CNTN3: variants seen among roughly 807,000 people sequenced by gnomAD.
The protein encoded by CNTN3 is contactin-3.
Under a neutral mutation model 119.1 loss-of-function variants are expected in CNTN3, and 60 were observed. The observed-to-expected ratio is 0.50, with a 90% CI of 0.41 to 0.62. CNTN3 has a LOEUF of 0.62. CNTN3 is among the 20% of genes least tolerant of loss of function. CNTN3 has a pLI of 0.00. For missense variants in CNTN3, 1,101 were observed against 1,242.4 expected (o/e 0.89, Z 1.71); for synonymous variants, 450 against 438.7 (o/e 1.03, Z -0.32).
intron 1 of CNTN3, among the ~76,000 whole-genome samples, chr3:74,595,927 A>T (rs1575856134): frequency 1.3e-5 from 2 of 152,196 alleles, no homozygotes; most frequent in East Asian, 3.9e-4. Flanking sequence ...ACATGATAGT[A>T]TATCTAGAAA....
intron 4 of CNTN3, among the ~76,000 whole-genome samples, chr3:74,468,989 C>T (rs1702513011): frequency 6.6e-6 from 1 of 152,052 alleles, no homozygotes; most frequent in Admixed American, 6.6e-5. Flanking sequence ...TACTGTGATA[C>T]TTGGGAAAAT....
chr3:74,542,642 T>C (rs1703857957), intron 1 of CNTN3, among the ~76,000 whole-genome samples: 1 of 152,182 alleles, frequency 6.6e-6, no homozygotes. Context: ...ACAATTAACT[T>C]TTCAGTTTGA....
intron 1 of CNTN3, among the ~76,000 whole-genome samples, chr3:74,531,597 C>T (rs1010283394): frequency 6.6e-6 from 1 of 151,792 alleles, no homozygotes; most frequent in Non-Finnish European, 1.5e-5. Context: ...AGAAATGACT[C>T]GGGGAAAGCC....
chr3:74,523,721 A>T (rs1441579214), intron 1 of CNTN3, among the ~76,000 whole-genome samples: 1 of 151,914 alleles, frequency 6.6e-6, no homozygotes, highest in Non-Finnish European at 1.5e-5. Context: ...AATATCAAAA[A>T]CTATTCAAAT....
chr3:74,520,210 T>C (rs1218632150), intron 2 of CNTN3, among the ~76,000 whole-genome samples: 1 of 150,992 alleles, frequency 6.6e-6, no homozygotes, highest in Non-Finnish European at 1.5e-5. Context: ...TACTTTCAAA[T>C]GGGTTAGCCA....
At chr3:74,572,370 A>G (rs1269675755) in intron 1 of CNTN3, among the ~76,000 whole-genome samples, 1 of 152,218 alleles carries the variant, frequency 6.6e-6, no homozygotes, top group Non-Finnish European at 1.5e-5. Flanking sequence ...CCTGCCTGTA[A>G]TATCAAAACT....
chr3:74,512,918 T>C (rs899882368), intron 2 of CNTN3, among the ~76,000 whole-genome samples: 1 of 149,210 alleles, frequency 6.7e-6, no homozygotes, highest in African/African-American at 2.5e-5. Context: ...CGCTTGCAAG[T>C]GTGCAGACAT....
intron 1 of CNTN3, among the ~76,000 whole-genome samples, chr3:74,529,394 G>A (rs1437843674): frequency 6.6e-6 from 1 of 151,860 alleles, no homozygotes; most frequent in Non-Finnish European, 1.5e-5. Context: ...TTTACCAACT[G>A]GAAAATGTAG....
chr3:74,549,420 A>G (rs1487129336), intron 1 of CNTN3, among the ~76,000 whole-genome samples: 1 of 152,172 alleles, frequency 6.6e-6, no homozygotes, highest in Non-Finnish European at 1.5e-5. Context: ...GTGTCTTTAT[A>G]GCAGTGGGAG....
chr3:74,526,256 G>C (rs1379999542), intron 1 of CNTN3, among the ~76,000 whole-genome samples: 1 of 151,402 alleles, frequency 6.6e-6, no homozygotes, highest in Non-Finnish European at 1.5e-5. Context: ...ATTTATTATA[G>C]TAAAATATTC....
At chr3:74,267,937 T>C (rs1032345910) in intron 20 of CNTN3, among the ~76,000 whole-genome samples, 1 of 152,132 alleles carries the variant, frequency 6.6e-6, no homozygotes, top group Non-Finnish European at 1.5e-5. Flanking sequence ...TATGATAAGA[T>C]GGGCAAAATG....
chr3:74,286,380 A>G (rs1484616569), intron 19 of CNTN3, among the ~76,000 whole-genome samples: 1 of 152,198 alleles, frequency 6.6e-6, no homozygotes, highest in African/African-American at 2.4e-5. Context: ...TGAATCTACT[A>G]TGCAATGACA....
At chr3:74,282,595 C>A (rs1702034951) in intron 20 of CNTN3, among the ~76,000 whole-genome samples, 1 of 152,110 alleles carries the variant, frequency 6.6e-6, no homozygotes, top group Non-Finnish European at 1.5e-5. Context: ...AGAGCGATAG[C>A]AAGCAGGTAA....
Position 74,301,389 on chromosome 3 carries a change from A to T in CNTN3, c.2095+9T>A, listed in dbSNP as rs1479940680. 1.2e-5 allele frequency: 19 copies of T among 1,610,870 alleles called. No individual in the cohort carries two copies. The highest frequency in any genetic ancestry group is 1.4e-5 in the Non-Finnish European group (17 of 1,178,988). On this transcript the variant is annotated intron_variant, in intron 16 of 22. Transcript: ENST00000263665. ...TATTAATCCATTACTCAGAAAAAAAAACACTAACCTGCCTCTTCAGTTCTT... is the reference window on the plus strand; with the variant it reads ...TATTAATCCATTACTCAGAAAAAAATACACTAACCTGCCTCTTCAGTTCTT...
intron 1 of CNTN3, among the ~76,000 whole-genome samples, chr3:74,602,797 G>A (rs373458918): frequency 2.0e-5 from 3 of 152,096 alleles, no homozygotes; most frequent in Non-Finnish European, 4.4e-5. Flanking sequence ...AATAAAATGT[G>A]AGAAAACTTG....
chr3:74,477,175 C>G (rs866951880), intron 4 of CNTN3, among the ~76,000 whole-genome samples: 1 of 152,084 alleles, frequency 6.6e-6, no homozygotes, highest in Non-Finnish European at 1.5e-5. Context: ...ATCCACACAC[C>G]TACTGAGATA....
chr3:74,299,819 C>A, intron 17 of CNTN3, 49 bp downstream of exon 17: 1 of 1,491,744 alleles, frequency 6.7e-7, no homozygotes, highest in South Asian at 1.2e-5. Context: ...CCATAATGAT[C>A]ATGGGAACAG....
At chr3:74,525,183 C>G (rs564973271) in intron 1 of CNTN3, among the ~76,000 whole-genome samples, 19 of 151,742 alleles carry the variant, frequency 1.3e-4, no homozygotes, top group African/African-American at 4.1e-4. Context: ...TACTCTCACC[C>G]ACAAATTCGT....
At chr3:74,487,852 TA>T (rs1702886779) in intron 3 of CNTN3, among the ~76,000 whole-genome samples, 2 of 152,016 alleles carry the variant, frequency 1.3e-5, no homozygotes, top group Admixed American at 1.3e-4. Flanking sequence ...CAATGGTGCA[TA>T]AAAAGGTAAA....
Sources: allele counts gnomAD v4.1 joint callset (sites outside exome capture counted in the v4.1 genomes callset), GRCh38; gene constraint gnomAD v4.1.1; transcripts MANE v1.5; gene names NCBI Gene and HGNC (gene_info 2026-07-23, HGNC 2026-07-21).